Variants in INPP4B observed in about 807,000 individuals in gnomAD.
INPP4B encodes inositol polyphosphate 4-phosphatase type II.
Under a neutral mutation model 122.5 loss-of-function variants are expected in INPP4B, and 55 were observed. The observed-to-expected ratio is 0.45, with a 90% CI of 0.36 to 0.56. The LOEUF is 0.56. Among genes scored for constraint, INPP4B ranks in the 20% least tolerant of loss-of-function variants. The pLI is 0.00. For synonymous variants in INPP4B, 403 were observed against 388.7 expected (o/e 1.04, Z -0.43); for missense variants, 1,000 against 1,097.7 (o/e 0.91, Z 1.26).
intron 25 of INPP4B, among the ~76,000 whole-genome samples, chr4:142,061,151 G>C (rs751654705): frequency 2.5e-4 from 38 of 152,308 alleles, no homozygotes; most frequent in Non-Finnish European, 4.6e-4. Context: ...TGGGTTAACA[G>C]ATTTCAGCTT....
Position 142,323,858 on chromosome 4 carries a change from G to C in INPP4B, c.373-9096C>G, listed in dbSNP as rs1771276245. On this transcript the variant is annotated intron_variant, in intron 7 of 25. Transcript: ENST00000262992. ...AAATGGCAGGTAAGGTGAGGGGTAG[G>C]GAGTCACTCTTCAATCAAGTCAGAG... Among the ~76,000 whole-genome samples the C allele has an allele frequency of 2.6e-5, 4 of 151,942 alleles. No homozygotes were observed. In the South Asian group the frequency reaches 8.3e-4, roughly 32 times the overall value.
intron 2 of INPP4B, among the ~76,000 whole-genome samples, chr4:142,489,232 T>C (rs959398961): frequency 1.3e-5 from 2 of 152,286 alleles, no homozygotes; most frequent in South Asian, 4.1e-4. Flanking sequence ...CTCTGCAAAA[T>C]GTCTATTTTT....
At chr4:142,631,396 C>T (rs1480769923) in intron 2 of INPP4B, among the ~76,000 whole-genome samples, 1 of 151,724 alleles carries the variant, frequency 6.6e-6, no homozygotes, top group Non-Finnish European at 1.5e-5. Flanking sequence ...TAGAATAAAG[C>T]ATAAGAGGTA....
intron 9 of INPP4B, among the ~76,000 whole-genome samples, chr4:142,281,245 T>C (rs753553440): frequency 1.3e-5 from 2 of 151,752 alleles, no homozygotes; most frequent in African/African-American, 4.8e-5. Flanking sequence ...GATAGATGAC[T>C]GGGAATACCT....
chr4:142,632,573 AAAT>A (rs1748204446), intron 2 of INPP4B, among the ~76,000 whole-genome samples: 1 of 152,092 alleles, frequency 6.6e-6, no homozygotes. Context: ...AGAGCAATAA[AAAT>A]AATAAATATG....
intron 14 of INPP4B, among the ~76,000 whole-genome samples, chr4:142,206,395 C>G (rs75371849): frequency 0.03 from 4,412 of 144,936 alleles, 204 homozygotes; most frequent in African/African-American, 0.11. Context: ...TGACATAGTT[C>G]GTAGTGAATA....
At chr4:142,246,165 C>G (rs1210493094) in intron 11 of INPP4B, among the ~76,000 whole-genome samples, 1 of 147,892 alleles carries the variant, frequency 6.8e-6, no homozygotes, top group African/African-American at 2.6e-5. Context: ...TGTTTTGGTA[C>G]CAGTACCATG....
At chr4:142,744,658 AT>A (rs1189652392) in intron 1 of INPP4B, among the ~76,000 whole-genome samples, 1 of 151,800 alleles carries the variant, frequency 6.6e-6, no homozygotes, top group African/African-American at 2.4e-5. Flanking sequence ...TTATTTGAGA[AT>A]TTTATATCTA....
intron 22 of INPP4B, among the ~76,000 whole-genome samples, chr4:142,112,053 T>G (rs1215069236): frequency 6.6e-6 from 1 of 151,576 alleles, no homozygotes; most frequent in Non-Finnish European, 1.5e-5. Flanking sequence ...AAAAAAAAAG[T>G]GTTTTTTAAC....
chr4:142,558,089 C>T (rs559985559), intron 2 of INPP4B, among the ~76,000 whole-genome samples: 10 of 152,172 alleles, frequency 6.6e-5, no homozygotes, highest in Non-Finnish European at 1.3e-4. Context: ...TCCTAAGACA[C>T]GGGTCCCATT....
At position 142,725,740 on chromosome 4, in the gene INPP4B, T is replaced by C. The variant is rs1042188658; in HGVS notation, c.-191+99A>G. 6 of 393,524 alleles carry C rather than the reference T, an allele frequency of 1.5e-5. No homozygotes were observed. In the Admixed American group the frequency reaches 2.7e-4, roughly 17 times the overall value. The allele number at this position is 393,524 out of a possible 1,614,324, so 24.4% of individuals were successfully genotyped here. On this transcript the variant is annotated intron_variant, in intron 2 of 25. Coordinates refer to ENST00000262992, the MANE Select transcript of INPP4B (RefSeq NM_001101669.3). Reference sequence around the variant, plus strand: ...TTCAGATAATAATTTACTTTTTTGATGGGTAATTCAATATCTAAAACGAAT... The same window carrying C: ...TTCAGATAATAATTTACTTTTTTGACGGGTAATTCAATATCTAAAACGAAT...
intron 25 of INPP4B, among the ~76,000 whole-genome samples, chr4:142,077,837 A>C (rs575718291): frequency 6.6e-6 from 1 of 152,146 alleles, no homozygotes; most frequent in East Asian, 1.9e-4. Context: ...TCATAATGTC[A>C]TTAAAATCAA....
At chr4:142,115,278 A>C (rs1792520165) in intron 21 of INPP4B, among the ~76,000 whole-genome samples, 1 of 152,206 alleles carries the variant, frequency 6.6e-6, no homozygotes, top group Non-Finnish European at 1.5e-5. Flanking sequence ...CTAGCAAGGC[A>C]GGCCAACATT....
At chr4:142,819,788 G>A (rs13132001) in intron 1 of INPP4B, among the ~76,000 whole-genome samples, 13,551 of 151,858 alleles carry the variant, frequency 0.089, 748 homozygotes, top group African/African-American at 0.15. Context: ...ACACACACGC[G>A]CACACACACA....
rs781105123 is a variant in INPP4B at position 142,145,974 on chromosome 4, C to T, written c.1586G>A (p.Gly529Glu). Residue 529 changes from glycine to glutamate, a missense_variant, in exon 18 of 26, where the codon GGG (glycine) becomes GAG (glutamate). Physicochemically the swap from Gly to Glu is moderately conservative, Grantham distance 98. Coordinates refer to ENST00000262992, the MANE Select transcript of INPP4B (RefSeq NM_001101669.3). ...AGCAATAATGCAGTTCAGGCTCTTC[C>T]CCACATTGGCCCACACCCTGTCCTG... ...EEWDRVWANV[G>E]KSLNCIIAMV... 3.7e-6 allele frequency: 6 copies of T among 1,613,212 alleles called. No individual in the cohort carries two copies. In the East Asian group the frequency reaches 8.9e-5, roughly 24 times the overall value.
intron 15 of INPP4B, among the ~76,000 whole-genome samples, chr4:142,191,563 CCAT>C (rs1835848442): frequency 6.6e-6 from 1 of 152,086 alleles, no homozygotes; most frequent in Non-Finnish European, 1.5e-5. Context: ...CTTCCAACTC[CCAT>C]AAAGTAAATA....
intron 12 of INPP4B, among the ~76,000 whole-genome samples, chr4:142,235,461 G>T (rs1050289218): frequency 6.6e-6 from 1 of 151,752 alleles, no homozygotes. Flanking sequence ...TCGCTCTGTC[G>T]CCGAGGCTGG....
intron 1 of INPP4B, among the ~76,000 whole-genome samples, chr4:142,810,075 C>G (rs189297606): frequency 2.3e-3 from 348 of 149,654 alleles, no homozygotes; most frequent in African/African-American, 8.1e-3. Flanking sequence ...GGGGCTGAGG[C>G]AGGAGAATTG....
intron 14 of INPP4B, among the ~76,000 whole-genome samples, chr4:142,195,815 T>C (rs1837951380): frequency 6.6e-6 from 1 of 152,180 alleles, no homozygotes; most frequent in Admixed American, 6.5e-5. Flanking sequence ...TGCAAAAACA[T>C]TTGACCACAA....
Sources: allele counts gnomAD v4.1 joint callset (sites outside exome capture counted in the v4.1 genomes callset), GRCh38; gene constraint gnomAD v4.1.1; transcripts MANE v1.5; gene names NCBI Gene and HGNC (gene_info 2026-07-23, HGNC 2026-07-21).